VPS45: variants seen among roughly 807,000 people sequenced by gnomAD.
VPS45 encodes the protein vacuolar protein sorting-associated protein 45.
VPS45 carries 35 observed loss-of-function variants against 75.9 expected under a neutral mutation model. That is an observed-to-expected ratio of 0.46 (90% confidence interval 0.35 to 0.61). The LOEUF (loss-of-function observed/expected upper bound fraction) is 0.61, where lower values mean the gene tolerates loss of function less well. Ranked by LOEUF, VPS45 falls within the 20% of genes least tolerant of loss-of-function variation. The pLI, the probability that VPS45 is intolerant of heterozygous loss-of-function variation, is 0.00. For missense variants in VPS45, 559 were observed against 685.9 expected, an observed-to-expected ratio of 0.81 and a Z score of 2.07; for synonymous variants, 220 against 238.2, an observed-to-expected ratio of 0.92 and a Z score of 0.70.
intron 14 of VPS45, among the ~76,000 whole-genome samples, chr1:150,123,316 G>A (rs1406469124): frequency 2.0e-5 from 3 of 152,156 alleles, no homozygotes; most frequent in Non-Finnish European, 4.4e-5. Context: ...TATAAGTAAT[G>A]CTGCTATAAA....
chr1:150,112,854 G>A (rs782068713), intron 14 of VPS45, among the ~76,000 whole-genome samples: 12 of 152,086 alleles, frequency 7.9e-5, no homozygotes, highest in Non-Finnish European at 1.2e-4. Context: ...TACTGCATTT[G>A]CCAGTTATTA....
intron 14 of VPS45, among the ~76,000 whole-genome samples, chr1:150,124,376 T>C (rs1658393210): frequency 6.6e-6 from 1 of 151,884 alleles, no homozygotes. Flanking sequence ...GAAGAATTGC[T>C]TGAATCTGGG....
At chr1:150,115,363 G>A (rs890593834) in intron 14 of VPS45, among the ~76,000 whole-genome samples, 4 of 152,070 alleles carry the variant, frequency 2.6e-5, no homozygotes, top group Non-Finnish European at 2.9e-5. Context: ...TTATGCTCAC[G>A]AGTTCTATTT....
intron 10 of VPS45, among the ~76,000 whole-genome samples, chr1:150,090,179 A>G (rs1656252296): frequency 6.6e-6 from 1 of 152,220 alleles, no homozygotes; most frequent in African/African-American, 2.4e-5. Flanking sequence ...AGCCTTTCAA[A>G]CCAAGCCATT....
intron 3 of VPS45, among the ~76,000 whole-genome samples, chr1:150,074,578 A>G (rs1327241934): frequency 6.6e-6 from 1 of 152,158 alleles, no homozygotes; most frequent in African/African-American, 2.4e-5. Context: ...TCTGGGGTAA[A>G]TAACCCCCAG....
At chr1:150,114,705 A>G (rs1657834786) in intron 14 of VPS45, among the ~76,000 whole-genome samples, 1 of 151,904 alleles carries the variant, frequency 6.6e-6, no homozygotes, top group South Asian at 2.1e-4. Context: ...AGAGGAGTTC[A>G]AGGAGTTCAG....
intron 2 of VPS45, among the ~76,000 whole-genome samples, chr1:150,070,778 C>G (rs1042269652): frequency 5.9e-5 from 9 of 151,910 alleles, no homozygotes; most frequent in Admixed American, 2.6e-4. Context: ...CACTGTAGTC[C>G]AGCCTGGCGA....
At chr1:150,104,110 C>T (rs782785686) in intron 13 of VPS45, among the ~76,000 whole-genome samples, 9 of 152,004 alleles carry the variant, frequency 5.9e-5, no homozygotes, top group Non-Finnish European at 1.2e-4. Context: ...ACTTTAACTG[C>T]CTCTTATCTT....
At chr1:150,110,968 A>G (rs1241383295) in intron 14 of VPS45, among the ~76,000 whole-genome samples, 1 of 152,188 alleles carries the variant, frequency 6.6e-6, no homozygotes, top group African/African-American at 2.4e-5. Context: ...TTTTTTTTAA[A>G]GAGGGAGAAA....
intron 14 of VPS45, among the ~76,000 whole-genome samples, chr1:150,138,932 C>T (rs1278923690): frequency 1.3e-5 from 2 of 152,118 alleles, no homozygotes; most frequent in African/African-American, 4.8e-5. Flanking sequence ...CTTGAATCTC[C>T]TCTTTATCTC....
chr1:150,116,085 TTA>T (rs1242100462), intron 14 of VPS45, among the ~76,000 whole-genome samples: 1 of 152,234 alleles, frequency 6.6e-6, no homozygotes, highest in Non-Finnish European at 1.5e-5. Flanking sequence ...AATTTTCACC[TTA>T]TATAATCTCC....
chr1:150,067,691 C>A, upstream of VPS45: 1 of 663,084 alleles, frequency 1.5e-6, no homozygotes, highest in South Asian at 1.8e-5. Flanking sequence ...GCTTGGTCCC[C>A]TGTACACTCC....
intron 14 of VPS45, among the ~76,000 whole-genome samples, chr1:150,132,348 T>C (rs1202475062): frequency 1.3e-5 from 2 of 152,254 alleles, no homozygotes; most frequent in Admixed American, 6.5e-5. Flanking sequence ...TGCTTAACTC[T>C]GTATAGTGAG....
chr1:150,123,973 ATAAT>A (rs1553810141), intron 14 of VPS45, among the ~76,000 whole-genome samples: 1 of 152,214 alleles, frequency 6.6e-6, no homozygotes, highest in Non-Finnish European at 1.5e-5. Flanking sequence ...CAAGCCAATA[ATAAT>A]TACTGTACAT....
At chr1:150,113,303 G>A (rs1228110613) in intron 14 of VPS45, among the ~76,000 whole-genome samples, 2 of 151,832 alleles carry the variant, frequency 1.3e-5, no homozygotes, top group South Asian at 2.1e-4. Context: ...CCAAGAATGG[G>A]GACAAAGACC....
At chr1:150,070,335 A>G (rs189730097) in intron 2 of VPS45, among the ~76,000 whole-genome samples, 23 of 152,244 alleles carry the variant, frequency 1.5e-4, no homozygotes, top group Admixed American at 1.3e-3. Flanking sequence ...TAATGAACAC[A>G]TGCTGTGTTA....
intron 14 of VPS45, among the ~76,000 whole-genome samples, chr1:150,117,154 C>T (rs952485725): frequency 6.7e-6 from 1 of 148,366 alleles, no homozygotes; most frequent in Non-Finnish European, 1.5e-5. Context: ...TGAGCCGAGA[C>T]TGTGCCACTG....
intron 14 of VPS45, among the ~76,000 whole-genome samples, chr1:150,118,506 A>G (rs1658061841): frequency 6.6e-6 from 1 of 151,704 alleles, no homozygotes; most frequent in Non-Finnish European, 1.5e-5. Flanking sequence ...CCCGGATTCA[A>G]GCAATTCTCC....
Position 150,068,713 on chromosome 1 carries a change from T to C in VPS45, c.177T>C (p.Asn59=). 1 of 1,613,270 alleles carries C rather than the reference T, an allele frequency of 6.2e-7. No homozygotes were observed. Among genetic ancestry groups the C allele is most frequent in the Non-Finnish European group, 8.5e-7 (1 of 1,179,612 alleles). The change falls in exon 2 of 15, where the codon AAT becomes AAC. Residue 59 remains asparagine (N), a synonymous_variant. Transcript: ENST00000644510. ...TCTTTGAACGCATTGATTCTCAAAA[T>C]CGAGAGATCATGAAACACCTGAAGG... ...VYLFERIDSQ[N]REIMKHLKAI...
Sources: gnomAD v4.1 joint callset for allele counts (sites outside exome capture counted in the v4.1 genomes callset) on GRCh38, gnomAD v4.1.1 for gene constraint, MANE v1.5 for transcripts, NCBI Gene and HGNC (gene_info 2026-07-23, HGNC 2026-07-21) for gene names.